RORA: variants seen among roughly 807,000 people sequenced by gnomAD.
The protein encoded by RORA is nuclear receptor ROR-alpha.
Under a neutral mutation model 69.5 loss-of-function variants are expected in RORA, and 7 were observed. The ratio of observed to expected loss-of-function variants is 0.10; its 90% CI spans 0.06 to 0.19. The LOEUF (loss-of-function observed/expected upper bound fraction) is 0.19, where lower values mean the gene tolerates loss of function less well. Among genes scored for constraint, RORA ranks in the 10% least tolerant of loss-of-function variants. RORA has a pLI of 1.00. For synonymous variants in RORA, 261 were observed against 240.8 expected (o/e 1.08, Z -0.78); for missense variants, 457 against 663.0 (o/e 0.69, Z 3.41).
At chr15:61,162,422 C>T (rs1033149909) in intron 1 of RORA, among the ~76,000 whole-genome samples, 18 of 152,240 alleles carry the variant, frequency 1.2e-4, no homozygotes, top group East Asian at 3.9e-4. Flanking sequence ...AGGCCACACA[C>T]GAAAGCACCC....
At chr15:60,661,715 T>C (rs1050258972) in intron 2 of RORA, among the ~76,000 whole-genome samples, 3 of 152,190 alleles carry the variant, frequency 2.0e-5, no homozygotes, top group Non-Finnish European at 1.5e-5. Context: ...GAAGATTTAA[T>C]TCCATTTAGA....
chr15:60,734,763 G>A (rs973667704), intron 1 of RORA, among the ~76,000 whole-genome samples: 1 of 152,212 alleles, frequency 6.6e-6, no homozygotes, highest in African/African-American at 2.4e-5. Flanking sequence ...TATTCAGCAT[G>A]GTGTAAATGT....
intron 1 of RORA, among the ~76,000 whole-genome samples, chr15:60,768,908 A>G (rs2072029041): frequency 6.6e-6 from 1 of 152,216 alleles, no homozygotes; most frequent in Non-Finnish European, 1.5e-5. Flanking sequence ...GGGGAGTTTC[A>G]ATCGGCATTA....
intron 1 of RORA, among the ~76,000 whole-genome samples, chr15:61,077,190 T>G: frequency 7.1e-6 from 1 of 141,684 alleles, no homozygotes; most frequent in African/African-American, 2.7e-5. Flanking sequence ...ATACCAGGTG[T>G]GATCAAGGGG....
chr15:60,887,085 A>T (rs1422789293), intron 1 of RORA, among the ~76,000 whole-genome samples: 1 of 152,202 alleles, frequency 6.6e-6, no homozygotes, highest in Non-Finnish European at 1.5e-5. Flanking sequence ...GAAAACCAAG[A>T]CAGGTCAGAA....
chr15:60,833,062 G>A (rs2073067895), intron 1 of RORA, among the ~76,000 whole-genome samples: 1 of 151,658 alleles, frequency 6.6e-6, no homozygotes, highest in Admixed American at 6.6e-5. Context: ...CCACCACCAT[G>A]CCCGGCTAAT....
At chr15:61,025,466 T>C (rs938267978) in intron 1 of RORA, among the ~76,000 whole-genome samples, 1 of 152,192 alleles carries the variant, frequency 6.6e-6, no homozygotes. Flanking sequence ...CTGGGAGCTG[T>C]TGTCCTTGAG....
chr15:61,228,351 C>A (rs2080167506), intron 1 of RORA, among the ~76,000 whole-genome samples: 1 of 151,902 alleles, frequency 6.6e-6, no homozygotes, highest in Admixed American at 6.5e-5. Context: ...GCGCATCTCC[C>A]CTCGCCGCGC....
intron 1 of RORA, among the ~76,000 whole-genome samples, chr15:60,723,264 C>T (rs2071315309): frequency 6.6e-6 from 1 of 152,016 alleles, no homozygotes; most frequent in South Asian, 2.1e-4. Flanking sequence ...ATAGCAGCTA[C>T]CCTTAGTTTC....
intron 1 of RORA, among the ~76,000 whole-genome samples, chr15:60,737,263 G>A (rs1018558184): frequency 2.6e-5 from 4 of 152,164 alleles, no homozygotes; most frequent in African/African-American, 9.7e-5. Flanking sequence ...AAGTGATGAT[G>A]TCTACTTCTA....
chr15:61,113,688 C>T (rs576061749), intron 1 of RORA, among the ~76,000 whole-genome samples: 1 of 152,320 alleles, frequency 6.6e-6, no homozygotes, highest in Non-Finnish European at 1.5e-5. Context: ...CACATGCACA[C>T]ACACACGCAC....
chr15:60,674,705 G>A (rs1265567882), intron 2 of RORA, among the ~76,000 whole-genome samples: 2 of 152,142 alleles, frequency 1.3e-5, no homozygotes, highest in Non-Finnish European at 2.9e-5. Context: ...GGCTATTCAC[G>A]TTAACTGAAA....
Position 60,946,474 on chromosome 15 carries a change from T to C in RORA, c.167-267788A>G, listed in dbSNP as rs578234326. Among the ~76,000 whole-genome samples, 11 of 152,346 alleles carry C rather than the reference T, an allele frequency of 7.2e-5. No individual in the cohort carries two copies. The East Asian group carries it at 2.1e-3, about 29-fold the overall frequency. On this transcript the variant is annotated intron_variant, in intron 1 of 10. Coordinates refer to ENST00000335670, the MANE Select transcript of RORA (RefSeq NM_134261.3). Reference sequence around the variant, plus strand: ...TGGTGGAGACGGGGTTTCGCTTTGTTGGCCGGGCTGGTCTCCAGCTCCTAA... The same window carrying C: ...TGGTGGAGACGGGGTTTCGCTTTGTCGGCCGGGCTGGTCTCCAGCTCCTAA...
At position 61,213,470 on chromosome 15, in the gene RORA, T is replaced by C. The variant is rs2080011406; in HGVS notation, c.166+15583A>G. Among the ~76,000 whole-genome samples the C allele has an allele frequency of 6.6e-6, 1 of 152,162 alleles. No homozygotes were observed. The highest frequency in any genetic ancestry group is 1.5e-5 in the Non-Finnish European group (1 of 68,028). ...TGCTTAGGCTCGCCCCTGCCTACTT[T>C]CTCCAACCTTATCTCCTACTCCTCA... is the stretch of plus-strand genomic sequence containing the variant. On this transcript the variant is annotated intron_variant, in intron 1 of 10. Transcript: ENST00000335670. The surrounding 1 kb of genome is among the most constrained non-coding windows in gnomAD (Gnocchi z 4.1).
intron 1 of RORA, among the ~76,000 whole-genome samples, chr15:60,842,550 A>T (rs1003759572): frequency 5.3e-5 from 8 of 152,256 alleles, no homozygotes; most frequent in African/African-American, 1.9e-4. Context: ...GCCTGTAGAG[A>T]TGAAGCAGCT....
chr15:60,989,692 C>T lies in RORA; in HGVS notation c.166+239361G>A, dbSNP rs115662665. 6.1e-3 allele frequency among the ~76,000 whole-genome samples: 936 copies of T among 152,294 alleles called. 9 individuals are homozygous for T. Among genetic ancestry groups the T allele is most frequent in the African/African-American group, 0.021 (889 of 41,566 alleles). The stretch of plus-strand genomic sequence containing the variant: ...GATTGGAATCTAGTCCAGACCACTC[C>T]AAAACCACTTTTTTTACTTTTGTTT... On this transcript the variant is annotated intron_variant, in intron 1 of 10. Coordinates refer to ENST00000335670, the MANE Select transcript of RORA (RefSeq NM_134261.3).
intron 1 of RORA, among the ~76,000 whole-genome samples, chr15:60,825,443 G>A (rs1236657979): frequency 6.6e-6 from 1 of 152,200 alleles, no homozygotes; most frequent in Non-Finnish European, 1.5e-5. Context: ...CTATGGCAAA[G>A]CTATCTTAGA....
At chr15:60,539,322 A>G (rs930736791) in intron 2 of RORA, among the ~76,000 whole-genome samples, 2 of 152,218 alleles carry the variant, frequency 1.3e-5, no homozygotes, top group Admixed American at 6.5e-5. Flanking sequence ...TTCCATCCCT[A>G]CTAGATTAAG....
At chr15:60,722,373 T>A (rs2071304952) in intron 1 of RORA, among the ~76,000 whole-genome samples, 1 of 152,198 alleles carries the variant, frequency 6.6e-6, no homozygotes, top group Non-Finnish European at 1.5e-5. Context: ...GCAGCACCCT[T>A]CCCCCATCAC....
Sources: allele counts gnomAD v4.1 joint callset (sites outside exome capture counted in the v4.1 genomes callset), GRCh38; gene constraint gnomAD v4.1.1; non-coding constraint Gnocchi (gnomAD v3.1); transcripts MANE v1.5; gene names NCBI Gene and HGNC (gene_info 2026-07-23, HGNC 2026-07-21).